The following ABCB5 variants were observed in gnomAD, a reference collection of about 807,000 sequenced individuals.
ABCB5 encodes the protein ATP binding cassette subfamily B member 5.
Under a neutral mutation model 144.2 loss-of-function variants are expected in ABCB5, and 155 were observed. The ratio of observed to expected loss-of-function variants is 1.08; its 90% CI spans 0.94 to 1.23. The LOEUF (loss-of-function observed/expected upper bound fraction) is 1.23, where lower values mean the gene tolerates loss of function less well. Ranked by LOEUF, ABCB5 falls within the 50% of genes most tolerant of loss-of-function variation. ABCB5 has a pLI of 0.00. For missense variants in ABCB5, 1,830 were observed against 1,520.8 expected (o/e 1.20, Z -3.38); for synonymous variants, 610 against 528.6 (o/e 1.15, Z -2.11).
At chr7:20,633,841 A>T (rs1218372782) in intron 5 of ABCB5, among the ~76,000 whole-genome samples, 1 of 152,050 alleles carries the variant, frequency 6.6e-6, no homozygotes, top group Non-Finnish European at 1.5e-5. Flanking sequence ...TGCCCTGTCC[A>T]ATATTTTAGC....
At chr7:20,722,965 G>C in intron 20 of ABCB5, 51 bp from the exon 21 acceptor site, 1 of 1,545,888 alleles carries the variant, frequency 6.5e-7, no homozygotes, top group Non-Finnish European at 8.9e-7. Flanking sequence ...AGGAACTCTT[G>C]TAAATGTAAA....
intron 12 of ABCB5, among the ~76,000 whole-genome samples, chr7:20,650,704 T>A (rs1784557445): frequency 6.6e-6 from 1 of 152,218 alleles, no homozygotes; most frequent in Non-Finnish European, 1.5e-5. Context: ...CAGTTATTTT[T>A]AAAAGAAAAT....
At chr7:20,631,199 A>G (rs977553380) in intron 4 of ABCB5, among the ~76,000 whole-genome samples, 1 of 152,156 alleles carries the variant, frequency 6.6e-6, no homozygotes, top group Non-Finnish European at 1.5e-5. Context: ...TGCAGGAACC[A>G]TTTTTAGAAA....
At chr7:20,638,156 A>G (rs1784206387) in intron 5 of ABCB5, among the ~76,000 whole-genome samples, 1 of 152,110 alleles carries the variant, frequency 6.6e-6, no homozygotes, top group Non-Finnish European at 1.5e-5. Flanking sequence ...TATTTAAATT[A>G]TTTTTTCTGA....
chr7:20,715,195 C>T (rs1225326506), intron 20 of ABCB5, among the ~76,000 whole-genome samples: 1 of 152,026 alleles, frequency 6.6e-6, no homozygotes, highest in Non-Finnish European at 1.5e-5. Context: ...AGGTGCCTGC[C>T]ATCATGCCCA....
At chr7:20,738,844 TG>T in intron 23 of ABCB5, 138 bp from the exon 24 acceptor site, 2 of 854,298 alleles carry the variant, frequency 2.3e-6, no homozygotes, top group Non-Finnish European at 3.3e-6. Flanking sequence ...AGAGATAACT[TG>T]GTGGGTCTTC....
chr7:20,696,451 A>G (rs944934077), intron 16 of ABCB5, among the ~76,000 whole-genome samples: 1 of 152,038 alleles, frequency 6.6e-6, no homozygotes, highest in Non-Finnish European at 1.5e-5. Context: ...GGAGAGAGGG[A>G]TGATAAAAAA....
chr7:20,618,368 C>T (rs1583370382), intron 1 of ABCB5, among the ~76,000 whole-genome samples: 1 of 152,238 alleles, frequency 6.6e-6, no homozygotes, highest in East Asian at 1.9e-4. Context: ...TAGCATGTAT[C>T]AGTATTTCAT....
rs148655904 is a variant in ABCB5 at position 20,741,747 on chromosome 7, G to T, written c.3025-1130G>T. ...CATGACTAGTAAACCTGACTGTAAG[G>T]ATGTGTTTTAAAATCCAGCCATCAC... On this transcript the variant is annotated intron_variant, in intron 24 of 27. Transcript: ENST00000404938. Among the ~76,000 whole-genome samples the T allele has an allele frequency of 4.6e-3, 693 of 152,060 alleles. 6 individuals carry two copies. Among genetic ancestry groups the T allele is most frequent in the Non-Finnish European group, 8.5e-3 (576 of 67,992 alleles).
At chr7:20,630,834 A>G (rs111398159) in intron 4 of ABCB5, among the ~76,000 whole-genome samples, 1,920 of 142,684 alleles carry the variant, frequency 0.013, 37 homozygotes, top group African/African-American at 0.049. Context: ...TCTAATTGCT[A>G]TTGCTGTGAA....
intron 23 of ABCB5, 140 bp from the exon 24 acceptor site, chr7:20,738,843 T>C: frequency 1.2e-6 from 1 of 852,622 alleles, no homozygotes; most frequent in Non-Finnish European, 1.7e-6. Flanking sequence ...AAGAGATAAC[T>C]TGGTGGGTCT....
chr7:20,688,097 G>A (rs758437753), intron 16 of ABCB5, among the ~76,000 whole-genome samples: 1 of 152,094 alleles, frequency 6.6e-6, no homozygotes, highest in Non-Finnish European at 1.5e-5. Flanking sequence ...GGAGGCTGAG[G>A]CAGGAGAATT....
At chr7:20,666,814 T>A in intron 14 of ABCB5, 1 of 1,574,666 alleles carries the variant, frequency 6.4e-7, no homozygotes, top group Non-Finnish European at 8.6e-7. Flanking sequence ...TACGTTGAGG[T>A]ATCTGGAACC....
chr7:20,739,782 A>G (rs1420908354), intron 24 of ABCB5, among the ~76,000 whole-genome samples: 1 of 152,182 alleles, frequency 6.6e-6, no homozygotes, highest in South Asian at 2.1e-4. Context: ...ACCATTTTTC[A>G]TGGGAAATAT....
chr7:20,639,483 A>G (rs1054395361), intron 5 of ABCB5, among the ~76,000 whole-genome samples: 1 of 152,204 alleles, frequency 6.6e-6, no homozygotes, highest in African/African-American at 2.4e-5. Flanking sequence ...TTTAACTCTT[A>G]AACTTAGGTC....
Position 20,755,674 on chromosome 7 carries a change from G to A in ABCB5, c.*50G>A. The A allele has an allele frequency of 6.4e-7, 1 of 1,556,214 alleles. No individual in the cohort carries two copies. The highest frequency in any genetic ancestry group is 1.4e-5 in the African/African-American group (1 of 73,606). On this transcript the variant is annotated 3_prime_UTR_variant, in exon 28 of 28. Coordinates refer to ENST00000404938, the MANE Select transcript of ABCB5 (RefSeq NM_001163941.2). ...GATGTTCGTGTAATGCAAAGAAGGA[G>A]TACTTAATAATTACTTGGCAAGCTT...
intron 14 of ABCB5, among the ~76,000 whole-genome samples, chr7:20,674,062 T>C (rs1052817926): frequency 1.3e-5 from 2 of 151,976 alleles, no homozygotes; most frequent in Non-Finnish European, 2.9e-5. Context: ...TTCTCCCTTT[T>C]TGGCCTTTAA....
At chr7:20,687,968 G>C (rs778952888) in intron 16 of ABCB5, among the ~76,000 whole-genome samples, 5 of 152,174 alleles carry the variant, frequency 3.3e-5, no homozygotes, top group Non-Finnish European at 5.9e-5. Context: ...GAGGTGGGTA[G>C]ATCACTCGAG....
intron 5 of ABCB5, 94 bp from the exon 6 acceptor site, chr7:20,643,090 A>G: frequency 9.4e-7 from 1 of 1,064,452 alleles, no homozygotes; most frequent in Non-Finnish European, 1.3e-6. Context: ...TCTAGCATAA[A>G]TTTCCTCAAT....
Sources: allele counts gnomAD v4.1 joint callset (sites outside exome capture counted in the v4.1 genomes callset), GRCh38; gene constraint gnomAD v4.1.1; transcripts MANE v1.5; gene names NCBI Gene and HGNC (gene_info 2026-07-23, HGNC 2026-07-21).